RFX4: variants seen among roughly 807,000 people sequenced by gnomAD.
RFX4 encodes the protein regulatory factor X4, also known as transcription factor RFX4.
Under a neutral mutation model 95.0 loss-of-function variants are expected in RFX4, and 10 were observed. The observed-to-expected ratio is 0.11, with a 90% CI of 0.06 to 0.18. The LOEUF is 0.18. Ranked by LOEUF, RFX4 falls within the 10% of genes least tolerant of loss-of-function variation. The pLI, the probability that RFX4 is intolerant of heterozygous loss-of-function variation, is 1.00. For missense variants in RFX4, 640 were observed against 922.0 expected (o/e 0.69, Z 3.96); for synonymous variants, 321 against 340.7 (o/e 0.94, Z 0.64).
chr12:106,743,355 G>T (rs1410790435), intron 15 of RFX4, among the ~76,000 whole-genome samples: 1 of 152,158 alleles, frequency 6.6e-6, no homozygotes, highest in African/African-American at 2.4e-5. Flanking sequence ...CTCACTGGAG[G>T]TCTCACTGGT....
At chr12:106,692,360 C>G (rs1229410716) in intron 7 of RFX4, among the ~76,000 whole-genome samples, 7 of 152,008 alleles carry the variant, frequency 4.6e-5, no homozygotes, top group Admixed American at 3.3e-4. Context: ...ATAATTATAC[C>G]TATCTCATAG....
intron 1 of RFX4, among the ~76,000 whole-genome samples, chr12:106,593,361 T>C (rs1486655496): frequency 6.6e-6 from 1 of 152,252 alleles, no homozygotes; most frequent in African/African-American, 2.4e-5. Context: ...CTGCTGAATG[T>C]AGCAGATATT....
intron 4 of RFX4, among the ~76,000 whole-genome samples, chr12:106,676,748 C>A (rs2041399747): frequency 6.6e-6 from 1 of 151,976 alleles, no homozygotes; most frequent in African/African-American, 2.4e-5. Context: ...CCAAGAGGGT[C>A]AATGTGAGGA....
At chr12:106,654,468 G>T in intron 4 of RFX4, 117 bp downstream of exon 4, 2 of 1,234,516 alleles carry the variant, frequency 1.6e-6, no homozygotes, top group Non-Finnish European at 2.2e-6. Flanking sequence ...TACTTACTTT[G>T]GTACTTTGAC....
chr12:106,692,986 C>T, intron 7 of RFX4: 1 of 236,094 alleles, frequency 4.2e-6, no homozygotes, highest in South Asian at 4.5e-5. Flanking sequence ...TCTGTTTTTC[C>T]CAGGTCTTAG....
chr12:106,761,545 A>G lies in RFX4; in HGVS notation c.*76A>G. 9.0e-7 allele frequency: 1 copy of G among 1,113,432 alleles called. No individual in the cohort carries two copies. Among genetic ancestry groups the G allele is most frequent in the Non-Finnish European group, 1.1e-6 (1 of 875,030 alleles). The allele number at this position is 1,113,432 out of a possible 1,614,324, so 69.0% of individuals were successfully genotyped here. A position where few individuals can be genotyped will look rare whatever the true frequency, so the allele number is the denominator to read the frequency against. On this transcript the variant is annotated 3_prime_UTR_variant, in exon 18 of 18. Transcript: ENST00000392842. ...ATAATAAACCCAACACCCATCCCCC[A>G]GAAGACTTTATCTCTATACATTGTA... is the stretch of plus-strand genomic sequence containing the variant.
rs566471474 is a variant in RFX4 at position 106,711,191 on chromosome 12, T to C, written c.935-262T>C. 9.8e-5 allele frequency among the ~76,000 whole-genome samples: 15 copies of C among 152,298 alleles called. No individual in the cohort carries two copies. The South Asian group carries it at 3.1e-3, about 32-fold the overall frequency. ...CTCACGGTTGATTGACGCCACCATT[T>C]CTCACACCTGCGAGTGTATCGTGTG... On this transcript the variant is annotated intron_variant, in intron 9 of 17. Coordinates refer to ENST00000392842, the MANE Select transcript of RFX4 (RefSeq NM_213594.3).
rs532561646 is a variant in RFX4, at chr12:106,699,099, G to T, written c.833+2653G>T. 4.8e-3 allele frequency among the ~76,000 whole-genome samples: 735 copies of T among 152,092 alleles called. 1 individual carries two copies. Among genetic ancestry groups the T allele is most frequent in the South Asian group, 0.021 (101 of 4,816 alleles). On this transcript the variant is annotated intron_variant, in intron 8 of 17. Coordinates refer to ENST00000392842, the MANE Select transcript of RFX4 (RefSeq NM_213594.3). ...TAGCTGCACCCACAGATTTTGATAT[G>T]TTGGATTTTCATTTTAATTCCATTC...
At chr12:106,747,940 A>AAAG (rs1338292391) in intron 16 of RFX4, among the ~76,000 whole-genome samples, 1 of 150,412 alleles carries the variant, frequency 6.6e-6, no homozygotes, top group Non-Finnish European at 1.5e-5. Context: ...AAAAAAAAAA[A>AAAG]AAAGAAAAAG....
At chr12:106,697,945 G>C (rs762874529) in intron 8 of RFX4, among the ~76,000 whole-genome samples, 4 of 151,658 alleles carry the variant, frequency 2.6e-5, no homozygotes, top group Non-Finnish European at 2.9e-5. Flanking sequence ...GTGTGTGTTC[G>C]TGTGTGTTTA....
At chr12:106,684,397 T>G (rs1367626893) in intron 5 of RFX4, among the ~76,000 whole-genome samples, 1 of 152,122 alleles carries the variant, frequency 6.6e-6, no homozygotes, top group Non-Finnish European at 1.5e-5. Context: ...ATGTATCCCC[T>G]GCCTTTTTTT....
chr12:106,716,498 C>A (rs1371833635), intron 11 of RFX4, among the ~76,000 whole-genome samples: 1 of 152,068 alleles, frequency 6.6e-6, no homozygotes, highest in Non-Finnish European at 1.5e-5. Flanking sequence ...ACTTGAGGTG[C>A]CTTTAAACAA....
At chr12:106,668,407 T>C (rs557420305) in intron 4 of RFX4, among the ~76,000 whole-genome samples, 7 of 152,116 alleles carry the variant, frequency 4.6e-5, no homozygotes, top group Non-Finnish European at 7.4e-5. Flanking sequence ...GGCAAGAAAA[T>C]GTGGTCCACT....
chr12:106,697,928 T>G (rs1466900794), intron 8 of RFX4, among the ~76,000 whole-genome samples: 1 of 152,012 alleles, frequency 6.6e-6, no homozygotes, highest in Admixed American at 6.6e-5. Flanking sequence ...AATATCTGGT[T>G]GAATGTGTGT....
At chr12:106,687,243 G>A in intron 6 of RFX4, 146 bp downstream of exon 6, 1 of 751,272 alleles carries the variant, frequency 1.3e-6, no homozygotes, top group Non-Finnish European at 2.1e-6. Context: ...GCAAAACCGT[G>A]AGTTTAAAAA....
chr12:106,741,910 G>T (rs2042812114), intron 15 of RFX4, among the ~76,000 whole-genome samples: 1 of 152,144 alleles, frequency 6.6e-6, no homozygotes, highest in Non-Finnish European at 1.5e-5. Context: ...AGTTCATAGG[G>T]TTCACACTCC....
Position 106,657,028 on chromosome 12 carries a change from A to G in RFX4, c.315+2677A>G, listed in dbSNP as rs535775287. On this transcript the variant is annotated intron_variant, in intron 4 of 17. Coordinates refer to ENST00000392842, the MANE Select transcript of RFX4 (RefSeq NM_213594.3). ...GGGCATTGGAGCTGTCCTTCCAGCCACAGAGGACAGGAGCTGCCTGCTAAG... is the reference window on the plus strand; with the variant it reads ...GGGCATTGGAGCTGTCCTTCCAGCCGCAGAGGACAGGAGCTGCCTGCTAAG... 5.0e-4 allele frequency among the ~76,000 whole-genome samples: 76 copies of G among 152,346 alleles called. 1 individual carries two copies. Among genetic ancestry groups the G allele is most frequent in the African/African-American group, 1.8e-3 (74 of 41,592 alleles).
chr12:106,615,006 T>C (rs1361740534), intron 2 of RFX4, among the ~76,000 whole-genome samples: 1 of 152,152 alleles, frequency 6.6e-6, no homozygotes, highest in Non-Finnish European at 1.5e-5. Flanking sequence ...AAAATTTAAT[T>C]AATGTTTTTC....
chr12:106,613,929 T>C (rs1219344024), intron 2 of RFX4, among the ~76,000 whole-genome samples: 1 of 152,208 alleles, frequency 6.6e-6, no homozygotes. Flanking sequence ...TTTTAGTAGA[T>C]ACTGCCGAAA....
Sources: gnomAD v4.1 joint callset for allele counts (sites outside exome capture counted in the v4.1 genomes callset) on GRCh38, gnomAD v4.1.1 for gene constraint, MANE v1.5 for transcripts, NCBI Gene and HGNC (gene_info 2026-07-23, HGNC 2026-07-21) for gene names.